The following OPCML variants were observed in gnomAD, a reference collection of about 807,000 sequenced individuals.
OPCML encodes opioid-binding protein/cell adhesion molecule.
OPCML carries 13 observed loss-of-function variants against 37.8 expected under a neutral mutation model. The observed-to-expected ratio is 0.34, with a 90% confidence interval of 0.22 to 0.55. The LOEUF is 0.55. Among genes scored for constraint, OPCML ranks in the 20% least tolerant of loss-of-function variants. The pLI is 0.91. For missense variants in OPCML, 341 were observed against 435.6 expected (o/e 0.78, Z 1.93); for synonymous variants, 176 against 168.8 (o/e 1.04, Z -0.33).
chr11:133,029,593 A>T (rs1947628017), intron 1 of OPCML, among the ~76,000 whole-genome samples: 1 of 152,216 alleles, frequency 6.6e-6, no homozygotes, highest in Non-Finnish European at 1.5e-5. Context: ...GCTGGAGGCC[A>T]TTCTCCTGAG....
chr11:132,865,209 C>T (rs1942484090), intron 2 of OPCML, among the ~76,000 whole-genome samples: 1 of 152,204 alleles, frequency 6.6e-6, no homozygotes, highest in Non-Finnish European at 1.5e-5. Flanking sequence ...CACACACATA[C>T]ATACATCTTA....
At chr11:133,223,369 C>A (rs1418429276) in intron 1 of OPCML, among the ~76,000 whole-genome samples, 5 of 152,194 alleles carry the variant, frequency 3.3e-5, no homozygotes, top group Non-Finnish European at 7.3e-5. Context: ...TGGTCCCAAT[C>A]AACTGTAGCT....
intron 2 of OPCML, among the ~76,000 whole-genome samples, chr11:132,742,551 G>T (rs887154830): frequency 6.6e-5 from 10 of 151,978 alleles, no homozygotes; most frequent in Admixed American, 5.9e-4. Flanking sequence ...GGAGTTCCCA[G>T]CCTCTAGAAC....
chr11:133,506,963 C>A (rs545204188), intron 1 of OPCML, among the ~76,000 whole-genome samples: 20 of 152,348 alleles, frequency 1.3e-4, no homozygotes, highest in African/African-American at 4.6e-4. Context: ...TTTCTTTCTT[C>A]CAAACCCAAC....
At chr11:133,128,490 TCTCCA>T (rs1949553065) in intron 1 of OPCML, among the ~76,000 whole-genome samples, 1 of 152,188 alleles carries the variant, frequency 6.6e-6, no homozygotes, top group Non-Finnish European at 1.5e-5. Flanking sequence ...TGAGCCAAGT[TCTCCA>T]CTCCACAAAA....
chr11:132,943,827 G>A lies in OPCML; in HGVS notation c.62-817C>T, dbSNP rs928868045. 3 of 150,354 alleles carry A rather than the reference G, an allele frequency of 2.0e-5. No individual in the cohort carries two copies. The highest frequency in any genetic ancestry group is 4.4e-5 in the Non-Finnish European group (3 of 67,450). 9.3% of individuals were successfully genotyped at this position (150,354 alleles called of 1,614,324 possible). ...CGGCCCCCGCCTCCTCCGGGGACGC[G>A]GCACGAGACGCGGGGACGCGCGGAC... is the stretch of plus-strand genomic sequence containing the variant. On this transcript the variant is annotated intron_variant, in intron 1 of 7. Transcript: ENST00000524381. The surrounding 1 kb of genome is among the most constrained non-coding windows in gnomAD (Gnocchi z 4.3).
At chr11:132,713,498 T>A (rs1338938862) in intron 2 of OPCML, among the ~76,000 whole-genome samples, 5 of 152,214 alleles carry the variant, frequency 3.3e-5, no homozygotes, top group Non-Finnish European at 7.3e-5. Flanking sequence ...TCATTTCCTA[T>A]TTTACAATGA....
chr11:132,604,711 T>C (rs926692739), intron 3 of OPCML, among the ~76,000 whole-genome samples: 4 of 152,210 alleles, frequency 2.6e-5, no homozygotes, highest in Non-Finnish European at 5.9e-5. Context: ...AGAATCGACT[T>C]TGTCATCTTC....
intron 3 of OPCML, among the ~76,000 whole-genome samples, chr11:132,576,579 T>C (rs190594689): frequency 6.0e-4 from 92 of 152,278 alleles, no homozygotes; most frequent in African/African-American, 2.1e-3. Flanking sequence ...TCTTTTGAAT[T>C]CTCTCTTAGG....
intron 3 of OPCML, among the ~76,000 whole-genome samples, chr11:132,638,871 C>T (rs866499593): frequency 2.0e-5 from 3 of 152,182 alleles, no homozygotes; most frequent in South Asian, 2.1e-4. Context: ...TGAGTAATAT[C>T]TCCAGTTCTT....
intron 1 of OPCML, among the ~76,000 whole-genome samples, chr11:133,426,701 C>T (rs1430204760): frequency 3.3e-5 from 5 of 152,300 alleles, no homozygotes; most frequent in East Asian, 1.9e-4. Flanking sequence ...AGAGAGCAGA[C>T]GCCAATGGTG....
intron 1 of OPCML, among the ~76,000 whole-genome samples, chr11:133,121,269 C>T (rs991349110): frequency 6.6e-6 from 1 of 152,170 alleles, no homozygotes; most frequent in Non-Finnish European, 1.5e-5. Flanking sequence ...CATAGCATTT[C>T]AATTAATCTA....
intron 1 of OPCML, among the ~76,000 whole-genome samples, chr11:132,997,180 C>G (rs1436114374): frequency 6.6e-6 from 1 of 152,206 alleles, no homozygotes; most frequent in Admixed American, 6.5e-5. Flanking sequence ...ATAGCCATCA[C>G]TCCTGTGCCC....
intron 3 of OPCML, among the ~76,000 whole-genome samples, chr11:132,621,508 T>C (rs1939406130): frequency 6.6e-6 from 1 of 152,152 alleles, no homozygotes. Context: ...TGGAAGGATA[T>C]CACAGATATT....
chr11:133,179,454 C>T (rs1340452793), intron 1 of OPCML, among the ~76,000 whole-genome samples: 2 of 152,092 alleles, frequency 1.3e-5, no homozygotes, highest in Admixed American at 6.5e-5. Context: ...GGAGGAGACT[C>T]CTCACCACTC....
chr11:132,633,085 C>T lies in OPCML; in HGVS notation c.379+24002G>A, dbSNP rs528542392. Among the ~76,000 whole-genome samples, 9 of 152,276 alleles carry T rather than the reference C, an allele frequency of 5.9e-5. No individual in the cohort carries two copies. In the East Asian group the frequency reaches 1.5e-3, roughly 26 times the overall value. On this transcript the variant is annotated intron_variant, in intron 3 of 7. Transcript: ENST00000524381. ...GGAGCATGAGGAAGTGCAGTCTGTC[C>T]TGCCTATAAAGGTGGTCCTAGGCTA...
intron 1 of OPCML, among the ~76,000 whole-genome samples, chr11:133,127,633 A>C (rs1592027515): frequency 8.4e-6 from 1 of 118,368 alleles, no homozygotes; most frequent in South Asian, 2.6e-4. Context: ...GCTCTGTCTC[A>C]AAAAAAAAAA....
chr11:132,934,155 T>C (rs1001970839), intron 2 of OPCML, among the ~76,000 whole-genome samples: 1 of 152,078 alleles, frequency 6.6e-6, no homozygotes. Flanking sequence ...CTCCAAAAGA[T>C]CCTTTGGGTA....
intron 4 of OPCML, among the ~76,000 whole-genome samples, chr11:132,528,761 C>G (rs756695554): frequency 6.6e-6 from 1 of 152,150 alleles, no homozygotes; most frequent in Non-Finnish European, 1.5e-5. Flanking sequence ...ACCAACTGAC[C>G]CACCTCTACT....
Sources: gnomAD v4.1 joint callset for allele counts (sites outside exome capture counted in the v4.1 genomes callset) on GRCh38, gnomAD v4.1.1 for gene constraint, Gnocchi (gnomAD v3.1) non-coding constraint, MANE v1.5 for transcripts, NCBI Gene and HGNC (gene_info 2026-07-23, HGNC 2026-07-21) for gene names.